Variants in PPFIA2 observed in about 807,000 individuals in gnomAD.
PPFIA2 encodes liprin-alpha-2.
A neutral mutation model predicts 175.5 loss-of-function variants in PPFIA2; 46 were observed. That is an observed-to-expected ratio of 0.26 (90% CI 0.21 to 0.34). The LOEUF (loss-of-function observed/expected upper bound fraction) is 0.34, where lower values mean the gene tolerates loss of function less well. PPFIA2 is among the 10% of genes least tolerant of loss of function. PPFIA2 has a pLI of 1.00. For synonymous variants in PPFIA2, 568 were observed against 511.4 expected, an observed-to-expected ratio of 1.11 and a Z score of -1.49; for missense variants, 1,179 against 1,506.1, an observed-to-expected ratio of 0.78 and a Z score of 3.60.
In PPFIA2 at chr12:81,311,148, T is replaced by C. The variant is rs2050669485; in HGVS notation, c.2643-11766A>G. On this transcript the variant is annotated intron_variant, in intron 22 of 32. Coordinates refer to ENST00000549396, the MANE Select transcript of PPFIA2 (RefSeq NM_003625.5). The stretch of plus-strand genomic sequence containing the variant: ...TTTATTTTACTTTTTTACTTTGAAG[T>C]CAAATTTCTGTTAGGAATAGATAAA... Among the ~76,000 whole-genome samples, 3 of 152,154 alleles carry C rather than the reference T, an allele frequency of 2.0e-5. No individual in the cohort carries two copies. The South Asian group carries it at 6.2e-4, about 32-fold the overall frequency.
chr12:81,740,003 C>A (rs1426663235), intron 3 of PPFIA2, among the ~76,000 whole-genome samples: 1 of 152,036 alleles, frequency 6.6e-6, no homozygotes, highest in South Asian at 2.1e-4. Context: ...GAGCTGGGAG[C>A]CAAGAGCAAT....
intron 3 of PPFIA2, among the ~76,000 whole-genome samples, chr12:81,730,648 C>T (rs2080762082): frequency 6.6e-6 from 1 of 151,582 alleles, no homozygotes; most frequent in African/African-American, 2.4e-5. Context: ...GCTATTATTT[C>T]TGGTTTCACA....
chr12:81,561,515 C>A (rs374892229), intron 4 of PPFIA2, among the ~76,000 whole-genome samples: 5 of 151,820 alleles, frequency 3.3e-5, no homozygotes, highest in African/African-American at 4.8e-5. Context: ...GGAGTCCCCC[C>A]CCAAAAAAAA....
At chr12:81,480,077 C>A (rs1197900190) in intron 4 of PPFIA2, among the ~76,000 whole-genome samples, 1 of 152,074 alleles carries the variant, frequency 6.6e-6, no homozygotes, top group Non-Finnish European at 1.5e-5. Context: ...TTCACATAGT[C>A]CCATATTTCT....
chr12:81,466,063 C>T (rs747459814), intron 4 of PPFIA2, among the ~76,000 whole-genome samples: 5 of 152,096 alleles, frequency 3.3e-5, no homozygotes, highest in Non-Finnish European at 5.9e-5. Flanking sequence ...TCACGGTCAG[C>T]CCTGGGCTAG....
At chr12:81,368,238 A>T in intron 13 of PPFIA2, 3 of 1,045,512 alleles carry the variant, frequency 2.9e-6, no homozygotes, top group Non-Finnish European at 2.6e-6. Flanking sequence ...GAAATAATGC[A>T]GCTGAAAATA....
intron 4 of PPFIA2, among the ~76,000 whole-genome samples, chr12:81,637,496 C>T: frequency 6.6e-6 from 1 of 151,910 alleles, no homozygotes; most frequent in Admixed American, 6.6e-5. Context: ...CCATACCTAA[C>T]TCAAGGTATG....
intron 3 of PPFIA2, among the ~76,000 whole-genome samples, chr12:81,721,076 TAA>T (rs529352181): frequency 2.1e-4 from 24 of 115,746 alleles, no homozygotes; most frequent in East Asian, 2.5e-4. Flanking sequence ...GCGTCCTAGC[TAA>T]AAAAAAAAAA....
chr12:81,672,920 A>T (rs1452512354), intron 4 of PPFIA2, among the ~76,000 whole-genome samples: 4 of 152,060 alleles, frequency 2.6e-5, no homozygotes, highest in Non-Finnish European at 5.9e-5. Context: ...CCCTTAAAAA[A>T]CATCAGAAAT....
At chr12:81,335,278 G>A (rs1210709694) in intron 21 of PPFIA2, among the ~76,000 whole-genome samples, 1 of 152,122 alleles carries the variant, frequency 6.6e-6, no homozygotes. Flanking sequence ...TGCATAAATT[G>A]AGGGGTGGGG....
chr12:81,429,571 A>T (rs1165823513), intron 7 of PPFIA2, among the ~76,000 whole-genome samples: 1 of 152,042 alleles, frequency 6.6e-6, no homozygotes, highest in East Asian at 1.9e-4. Context: ...CAGCTATTTA[A>T]GTTTCTTTTA....
intron 4 of PPFIA2, among the ~76,000 whole-genome samples, chr12:81,671,612 C>T (rs942038192): frequency 2.0e-5 from 3 of 151,854 alleles, no homozygotes; most frequent in African/African-American, 7.2e-5. Flanking sequence ...TTAAAGACTT[C>T]AATGCTTCCC....
At chr12:81,429,883 A>T (rs1036435986) in intron 7 of PPFIA2, 4 of 152,056 alleles carry the variant, frequency 2.6e-5, no homozygotes, top group Non-Finnish European at 5.9e-5. Context: ...ATCTGGGTCC[A>T]CCATCCCATA....
intron 4 of PPFIA2, among the ~76,000 whole-genome samples, chr12:81,626,691 T>C (rs747599806): frequency 2.1e-4 from 32 of 152,064 alleles, no homozygotes; most frequent in Non-Finnish European, 3.7e-4. Context: ...GAAATTCAAT[T>C]AGAGGACTCT....
chr12:81,652,968 C>T (rs1327356070), intron 4 of PPFIA2, among the ~76,000 whole-genome samples: 1 of 152,002 alleles, frequency 6.6e-6, no homozygotes, highest in Non-Finnish European at 1.5e-5. Context: ...TAATTTTCCT[C>T]AATATACGAA....
In PPFIA2 at chr12:81,753,991, G is replaced by A. The variant is rs1228761050; in HGVS notation, c.231C>T (p.Leu77=). 1.2e-6 allele frequency: 2 copies of A among 1,613,706 alleles called. No individual in the cohort carries two copies. The highest frequency in any genetic ancestry group is 1.3e-5 in the African/African-American group (1 of 74,932). Residue 77 remains leucine, a synonymous_variant, in exon 3 of 33, where the codon CTC becomes CTT. Coordinates refer to ENST00000549396, the MANE Select transcript of PPFIA2 (RefSeq NM_003625.5). Reference sequence around the variant, plus strand: ...AGCATACCTGTGGCAGGGCTGAATTGAGCTGTCTCTGGAGTGAGTCTCGGT... The same window carrying A: ...AGCATACCTGTGGCAGGGCTGAATTAAGCTGTCTCTGGAGTGAGTCTCGGT... The part of the protein sequence containing the change: ...IYDRDSLQRQ[L]NSALPQDIES...
intron 28 of PPFIA2, among the ~76,000 whole-genome samples, chr12:81,273,261 T>C (rs1004859740): frequency 1.3e-5 from 2 of 152,174 alleles, no homozygotes; most frequent in Non-Finnish European, 2.9e-5. Context: ...TACTATGTTT[T>C]ACACATTCTT....
chr12:81,279,382 T>A (rs2041494311), intron 27 of PPFIA2: 1 of 152,122 alleles, frequency 6.6e-6, no homozygotes, highest in African/African-American at 2.4e-5. Flanking sequence ...ACTAATTCAG[T>A]GATATACTAG....
chr12:81,341,978 T>C (rs2058170943), intron 19 of PPFIA2, among the ~76,000 whole-genome samples: 1 of 152,054 alleles, frequency 6.6e-6, no homozygotes, highest in Admixed American at 6.6e-5. Context: ...AGTTGTGGTT[T>C]GTAAGAAAAA....
Sources: allele counts gnomAD v4.1 joint callset (sites outside exome capture counted in the v4.1 genomes callset), GRCh38; gene constraint gnomAD v4.1.1; transcripts MANE v1.5; gene names NCBI Gene and HGNC (gene_info 2026-07-23, HGNC 2026-07-21).